GALNT13: variants seen among roughly 807,000 people sequenced by gnomAD.
The protein encoded by GALNT13 is UDP-GalNAc:polypeptide N-acetylgalactosaminyltransferase 13.
In GALNT13, 28 loss-of-function variants were observed where a neutral mutation model predicts 64.2. That is an observed-to-expected ratio of 0.44 (90% CI 0.32 to 0.60). The LOEUF is 0.60. Ranked by LOEUF, GALNT13 falls within the 20% of genes least tolerant of loss-of-function variation. The probability of loss-of-function intolerance (pLI) is 0.05; values close to 1 mark genes in which losing one functional copy is unlikely to be tolerated. For missense variants in GALNT13, 577 were observed against 669.8 expected (o/e 0.86, Z 1.53); for synonymous variants, 214 against 224.6 (o/e 0.95, Z 0.42).
rs1159379191 is a variant in GALNT13, at chr2:154,409,084, TAA to T, written c.1395+4_1395+5del. 6.4e-7 allele frequency: 1 copy of T among 1,567,470 alleles called. No individual in the cohort carries two copies. The highest frequency in any genetic ancestry group is 2.2e-5 in the East Asian group (1 of 44,488). On this transcript the variant is annotated splice_donor_region_variant and intron_variant, in intron 11 of 12. Transcript: ENST00000392825. ...TGTCATGGTATGGGAGGAAATCAGGTAAACTCTCCCTTTTTATCAGCTTCATG... is the reference window on the plus strand; with the variant it reads ...TGTCATGGTATGGGAGGAAATCAGGTACTCTCCCTTTTTATCAGCTTCATG...
chr2:154,230,866 A>C (rs1328806641), intron 4 of GALNT13, among the ~76,000 whole-genome samples: 1 of 152,022 alleles, frequency 6.6e-6, no homozygotes, highest in African/African-American at 2.4e-5. Context: ...TCACAGTTCA[A>C]TCCAGATACT....
chr2:154,388,973 T>C (rs939124657), intron 9 of GALNT13, among the ~76,000 whole-genome samples: 58 of 152,214 alleles, frequency 3.8e-4, no homozygotes, highest in African/African-American at 1.4e-3. Flanking sequence ...TATTATTTCA[T>C]ATATTTTAAT....
At chr2:153,715,834 T>C in the GALNT13 span, among the ~76,000 whole-genome samples, 3 of 135,928 alleles carry the variant, frequency 2.2e-5, no homozygotes, top group Admixed American at 7.2e-5. Flanking sequence ...TTCTTCTTCC[T>C]TTTTTTTTTT....
chr2:154,259,219 C>T (rs1198335178), intron 8 of GALNT13, 81 bp downstream of exon 8: 10 of 788,424 alleles, frequency 1.3e-5, no homozygotes, highest in Non-Finnish European at 2.1e-5. Context: ...AATTTACTGT[C>T]AAATCATTTT....
intron 8 of GALNT13, among the ~76,000 whole-genome samples, chr2:154,283,422 T>C (rs1424851102): frequency 1.3e-5 from 2 of 152,030 alleles, no homozygotes; most frequent in Non-Finnish European, 2.9e-5. Context: ...AATGATCAAT[T>C]ATTATTGAGC....
the GALNT13 span, among the ~76,000 whole-genome samples, chr2:153,204,819 C>G: frequency 6.6e-6 from 1 of 151,986 alleles, no homozygotes; most frequent in Non-Finnish European, 1.5e-5. Context: ...TGTATATGGC[C>G]CATCTGGGAA....
At chr2:153,405,095 G>C in the GALNT13 span, among the ~76,000 whole-genome samples, 1 of 152,062 alleles carries the variant, frequency 6.6e-6, no homozygotes, top group African/African-American at 2.4e-5. Flanking sequence ...CATAAGACTG[G>C]TAAGTTTCTC....
the GALNT13 span, among the ~76,000 whole-genome samples, chr2:153,595,800 T>A: frequency 6.6e-6 from 1 of 152,188 alleles, no homozygotes; most frequent in Non-Finnish European, 1.5e-5. Flanking sequence ...AGAATCATTT[T>A]CATTTAAGTC....
the GALNT13 span, among the ~76,000 whole-genome samples, chr2:153,555,596 C>T: frequency 6.6e-6 from 1 of 152,196 alleles, no homozygotes; most frequent in South Asian, 2.1e-4. Context: ...TAATTTCATT[C>T]TCACTACTAT....
At chr2:153,818,601 G>A in the GALNT13 span, among the ~76,000 whole-genome samples, 1 of 152,144 alleles carries the variant, frequency 6.6e-6, no homozygotes, top group African/African-American at 2.4e-5. Context: ...GGTCAGTCAT[G>A]GCTCTGCTTT....
At chr2:154,120,411 C>A (rs1486902628) in intron 3 of GALNT13, among the ~76,000 whole-genome samples, 1 of 152,150 alleles carries the variant, frequency 6.6e-6, no homozygotes, top group Non-Finnish European at 1.5e-5. Context: ...ACAAATAGGA[C>A]CAGAGTCTAT....
intron 3 of GALNT13, among the ~76,000 whole-genome samples, chr2:153,974,083 G>A (rs1355008473): frequency 6.6e-6 from 1 of 151,992 alleles, no homozygotes; most frequent in Non-Finnish European, 1.5e-5. Context: ...CTGCCTTGAT[G>A]TTCTTCCCCT....
chr2:153,466,976 A>T, the GALNT13 span, among the ~76,000 whole-genome samples: 1 of 151,970 alleles, frequency 6.6e-6, no homozygotes, highest in African/African-American at 2.4e-5. Flanking sequence ...AGTGCTCAAT[A>T]AAAAAATATA....
At chr2:153,854,243 C>G in the GALNT13 span, among the ~76,000 whole-genome samples, 1 of 151,100 alleles carries the variant, frequency 6.6e-6, no homozygotes, top group Non-Finnish European at 1.5e-5. Context: ...TCTATAAATC[C>G]GAAATAATTA....
the GALNT13 span, among the ~76,000 whole-genome samples, chr2:153,247,310 C>T: frequency 6.6e-6 from 1 of 152,208 alleles, no homozygotes; most frequent in South Asian, 2.1e-4. Context: ...ACAGAATTCT[C>T]CACCCCAAAT....
intron 3 of GALNT13, among the ~76,000 whole-genome samples, chr2:154,113,268 A>G (rs928920250): frequency 2.0e-5 from 3 of 152,116 alleles, no homozygotes; most frequent in African/African-American, 7.2e-5. Flanking sequence ...TGCCACTGAC[A>G]CCTCAAGCAC....
At chr2:154,048,326 G>T (rs779624361) in intron 3 of GALNT13, among the ~76,000 whole-genome samples, 1 of 152,134 alleles carries the variant, frequency 6.6e-6, no homozygotes, top group Non-Finnish European at 1.5e-5. Flanking sequence ...ATGAGACTTG[G>T]TGGGGACTCT....
the GALNT13 span, among the ~76,000 whole-genome samples, chr2:153,571,245 TC>T: frequency 4.1e-4 from 62 of 152,006 alleles, no homozygotes; most frequent in Non-Finnish European, 1.0e-4. Context: ...TTTTTAAATT[TC>T]TTTTTCAGAT....
intron 8 of GALNT13, among the ~76,000 whole-genome samples, chr2:154,296,823 AG>A (rs1374512044): frequency 6.6e-6 from 1 of 151,878 alleles, no homozygotes; most frequent in Non-Finnish European, 1.5e-5. Flanking sequence ...CAGAATGTGT[AG>A]GTTTGTTACA....
Sources: allele counts gnomAD v4.1 joint callset (sites outside exome capture counted in the v4.1 genomes callset), GRCh38; gene constraint gnomAD v4.1.1; transcripts MANE v1.5; gene names NCBI Gene and HGNC (gene_info 2026-07-23, HGNC 2026-07-21).